The following VWA3A variants were observed in gnomAD, a reference collection of about 807,000 sequenced individuals.
VWA3A encodes von Willebrand factor A domain containing 3A, also known as von Willebrand factor A domain-containing protein 3A.
In VWA3A, 134 loss-of-function variants were observed where a neutral mutation model predicts 160.4. The ratio of observed to expected loss-of-function variants is 0.84; its 90% confidence interval spans 0.73 to 0.96. VWA3A has a LOEUF of 0.96. Among genes scored for constraint, VWA3A ranks in the 40% least tolerant of loss-of-function variants. The pLI is 0.00. For missense variants in VWA3A, 1,310 were observed against 1,447.9 expected (o/e 0.90, Z 1.55); for synonymous variants, 476 against 543.4 (o/e 0.88, Z 1.72).
chr16:22,138,440 G>A lies in VWA3A; in HGVS notation c.2220G>A (p.Lys740=). ...GSSALPKEKP[K]TLQLRSQPKK... is the part of the protein sequence containing the mutation. ...CAGCCCTCCCGAAAGAAAAACCAAA[G>A]ACACTTCAGCTAAGAAGTCAGCCCA... Residue 740 remains lysine, a synonymous_variant, in exon 22 of 34, where the codon AAG becomes AAA. Coordinates refer to ENST00000389398, the MANE Select transcript of VWA3A (RefSeq NM_173615.5). The A allele has an allele frequency of 3.7e-6, 6 of 1,613,460 alleles. No individual in the cohort carries two copies. The highest frequency in any genetic ancestry group is 4.2e-6 in the Non-Finnish European group (5 of 1,179,746).
At chr16:22,142,827 C>G in intron 25 of VWA3A, 62 bp downstream of exon 25, 1 of 1,268,554 alleles carries the variant, frequency 7.9e-7, no homozygotes, top group East Asian at 2.6e-5. Context: ...GTCCACCAAC[C>G]ATTACTTCTA....
chr16:22,144,912 T>G (rs2046221541), intron 26 of VWA3A, among the ~76,000 whole-genome samples: 1 of 152,058 alleles, frequency 6.6e-6, no homozygotes, highest in Non-Finnish European at 1.5e-5. Flanking sequence ...GGAGCCTGAC[T>G]CTTAAAACAT....
At chr16:22,129,232 A>C (rs1333516317) in intron 17 of VWA3A, among the ~76,000 whole-genome samples, 1 of 151,896 alleles carries the variant, frequency 6.6e-6, no homozygotes, top group African/African-American at 2.4e-5. Context: ...TACTAAAAAT[A>C]CAAAAAATTA....
chr16:22,152,756 A>C, intron 31 of VWA3A, 122 bp downstream of exon 31: 2 of 1,423,412 alleles, frequency 1.4e-6, no homozygotes, highest in Non-Finnish European at 1.9e-6. Flanking sequence ...GGCCTCCCAA[A>C]ATGTTGGGAT....
Position 22,121,576 on chromosome 16 carries a change from G to A in VWA3A, c.1315G>A (p.Val439Ile). The change falls in exon 14 of 34, where the codon GTA becomes ATA. Residue 439 changes from valine (V) to isoleucine (I), a missense_variant. Physicochemically the swap from Val to Ile is conservative, Grantham distance 29 (BLOSUM62 3). Transcript: ENST00000389398. ...TGCATTCTCTCCTGTGGAGGAATTT[G>A]TACCTATTCTCCAGAAAACAGTATC... ...PNAFSPVEEF[V>I]PILQKTVSST... 1 of 1,613,554 alleles carries A rather than the reference G, an allele frequency of 6.2e-7. No individual in the cohort carries two copies. Among genetic ancestry groups the A allele is most frequent in the Non-Finnish European group, 8.5e-7 (1 of 1,179,694 alleles).
intron 21 of VWA3A, among the ~76,000 whole-genome samples, chr16:22,135,185 G>A (rs1325945509): frequency 2.6e-5 from 4 of 151,912 alleles, no homozygotes; most frequent in East Asian, 1.9e-4. Flanking sequence ...AACTGAGTTC[G>A]GCAGGCCAAG....
rs2045776140 is a variant in VWA3A, at chr16:22,123,120, A to G, written c.1392A>G (p.Thr464=). 6.2e-7 allele frequency: 1 copy of G among 1,606,310 alleles called. No individual in the cohort carries two copies. Among genetic ancestry groups the G allele is most frequent in the Non-Finnish European group, 8.5e-7 (1 of 1,176,368 alleles). ...TACAATTTGAATGGCACGACGGGACAGTGAAGAACATTCATGTGGACCCAC... is the reference window on the plus strand; with the variant it reads ...TACAATTTGAATGGCACGACGGGACGGTGAAGAACATTCATGTGGACCCAC... ...AMIQFEWHDG[T]VKNIHVDPPF... Residue 464 remains threonine (T), a synonymous_variant, in exon 15 of 34, where the codon ACA becomes ACG. Transcript: ENST00000389398.
At chr16:22,104,454 A>C (rs2045452372) in intron 6 of VWA3A, among the ~76,000 whole-genome samples, 1 of 151,908 alleles carries the variant, frequency 6.6e-6, no homozygotes, top group South Asian at 2.1e-4. Flanking sequence ...ACGCCATTGC[A>C]CTCTAGCCTG....
intron 3 of VWA3A, 75 bp downstream of exon 3, chr16:22,097,770 G>A (rs958187054): frequency 6.6e-7 from 1 of 1,520,056 alleles, no homozygotes; most frequent in African/African-American, 1.4e-5. Flanking sequence ...TTAAATTCTG[G>A]GGATTTCTTC....
chr16:22,138,680 C>CG (rs981650700), intron 22 of VWA3A, 168 bp downstream of exon 22: 5 of 882,402 alleles, frequency 5.7e-6, no homozygotes, highest in African/African-American at 1.7e-5. Flanking sequence ...AAATCTCCCG[C>CG]GGGGGGCCGG....
intron 8 of VWA3A, 101 bp downstream of exon 8, chr16:22,111,095 T>C (rs2141872078): frequency 9.8e-7 from 1 of 1,020,904 alleles, no homozygotes; most frequent in South Asian, 1.7e-5. Flanking sequence ...CCCAGGACCC[T>C]ACTAGATAAG....
intron 6 of VWA3A, among the ~76,000 whole-genome samples, chr16:22,106,541 T>C (rs1169901580): frequency 6.6e-6 from 1 of 151,936 alleles, no homozygotes; most frequent in Non-Finnish European, 1.5e-5. Context: ...CCAAAAGTCT[T>C]GAGGCAGGAA....
At chr16:22,099,215 T>C (rs900631524) in intron 3 of VWA3A, among the ~76,000 whole-genome samples, 2 of 152,178 alleles carry the variant, frequency 1.3e-5, no homozygotes, top group East Asian at 1.9e-4. Context: ...TCCCTAGATA[T>C]GCGACAGGGA....
intron 16 of VWA3A, among the ~76,000 whole-genome samples, 185 bp from the exon 17 acceptor site, chr16:22,125,993 T>A (rs2045841740): frequency 1.3e-5 from 2 of 152,178 alleles, no homozygotes; most frequent in Admixed American, 1.3e-4. Context: ...GGGGCTTCCA[T>A]GACCCCCTTA....
rs1289286989 is a variant in VWA3A at position 22,131,644 on chromosome 16, C to T, written c.1787C>T (p.Ala596Val). 1 of 1,613,964 alleles carries T rather than the reference C, an allele frequency of 6.2e-7. No homozygotes were observed. The highest frequency in any genetic ancestry group is 1.3e-5 in the African/African-American group (1 of 75,068). ...AACGTTCTCAGCGCCCTGCGGAAGG[C>T]TGTGGAAGTAGACTTCAAGGACAAA... ...SRNVLSALRK[A>V]VEVDFKDKDK... Residue 596 changes from alanine (A) to valine (V), a missense_variant, in exon 19 of 34, where the codon GCT (alanine) becomes GTT (valine). Ala to Val is a moderately conservative substitution (Grantham distance 64). Coordinates refer to ENST00000389398, the MANE Select transcript of VWA3A (RefSeq NM_173615.5).
chr16:22,116,254 AAGAG>A (rs899311358), intron 9 of VWA3A: 7 of 410,464 alleles, frequency 1.7e-5, no homozygotes, highest in Admixed American at 6.7e-5. Context: ...GGAAAGATGG[AAGAG>A]AGAGAAAGAA....
At chr16:22,094,166 C>A (rs2045279812) in intron 1 of VWA3A, among the ~76,000 whole-genome samples, 1 of 152,112 alleles carries the variant, frequency 6.6e-6, no homozygotes. Flanking sequence ...CAGAATCTAG[C>A]CATGCAGTCC....
chr16:22,132,312 G>A (rs1042148383), intron 19 of VWA3A, among the ~76,000 whole-genome samples: 1 of 151,952 alleles, frequency 6.6e-6, no homozygotes, highest in Admixed American at 6.6e-5. Context: ...GAACCTGGAG[G>A]GGGAGGTTGC....
chr16:22,115,203 G>C (rs1225703633), intron 8 of VWA3A, 144 bp from the exon 9 acceptor site: 2 of 901,548 alleles, frequency 2.2e-6, no homozygotes, highest in Non-Finnish European at 3.1e-6. Flanking sequence ...TTGGGCCCAG[G>C]AGTTCGAGGT....
Sources: allele counts gnomAD v4.1 joint callset (sites outside exome capture counted in the v4.1 genomes callset), GRCh38; gene constraint gnomAD v4.1.1; transcripts MANE v1.5; gene names NCBI Gene and HGNC (gene_info 2026-07-23, HGNC 2026-07-21).